MAGI3: variants seen among roughly 807,000 people sequenced by gnomAD.
The protein encoded by MAGI3 is membrane associated guanylate kinase, WW and PDZ domain containing 3.
Under a neutral mutation model 121.8 loss-of-function variants are expected in MAGI3, and 43 were observed. The observed-to-expected ratio is 0.35, with a 90% CI of 0.28 to 0.46. MAGI3 has a LOEUF of 0.46. Among genes scored for constraint, MAGI3 ranks in the 20% least tolerant of loss-of-function variants. The pLI, the probability that MAGI3 is intolerant of heterozygous loss-of-function variation, is 1.00. For synonymous variants in MAGI3, 553 were observed against 639.3 expected, an observed-to-expected ratio of 0.86 and a Z score of 2.04; for missense variants, 1,547 against 1,797.3, an observed-to-expected ratio of 0.86 and a Z score of 2.52.
At chr1:113,396,281 T>C (rs1426498354) in intron 1 of MAGI3, among the ~76,000 whole-genome samples, 1 of 109,958 alleles carries the variant, frequency 9.1e-6, no homozygotes, top group African/African-American at 3.8e-5. Flanking sequence ...TCTGTGAATG[T>C]CAGGGTTGTG....
chr1:113,419,205 A>T (rs1382187951), intron 1 of MAGI3, among the ~76,000 whole-genome samples: 1 of 152,136 alleles, frequency 6.6e-6, no homozygotes, highest in Admixed American at 6.6e-5. Flanking sequence ...TTTATCTTCA[A>T]TATCCACATT....
intron 4 of MAGI3, among the ~76,000 whole-genome samples, chr1:113,588,089 A>G (rs1648488476): frequency 1.3e-5 from 2 of 152,336 alleles, no homozygotes; most frequent in South Asian, 4.1e-4. Context: ...AATGAATAAC[A>G]TACATCGTGT....
chr1:113,643,192 A>G (rs918682506), intron 10 of MAGI3, among the ~76,000 whole-genome samples: 2 of 152,232 alleles, frequency 1.3e-5, no homozygotes, highest in Non-Finnish European at 1.5e-5. Context: ...TGCTTTCTTA[A>G]ATCCATACTT....
chr1:113,455,653 G>A (rs2101499860), intron 1 of MAGI3, among the ~76,000 whole-genome samples: 1 of 152,052 alleles, frequency 6.6e-6, no homozygotes, highest in East Asian at 1.9e-4. Context: ...TTAATCCTTA[G>A]ATTTCTACTC....
intron 2 of MAGI3, among the ~76,000 whole-genome samples, chr1:113,567,843 A>C (rs1660496169): frequency 6.6e-6 from 1 of 152,088 alleles, no homozygotes; most frequent in Admixed American, 6.5e-5. Context: ...TCAACATAGT[A>C]CTGGAAATTC....
At position 113,659,072 on chromosome 1, in the gene MAGI3, T is replaced by C. The variant is rs2100997147; in HGVS notation, c.2630-8T>C. On this transcript the variant is annotated splice_polypyrimidine_tract_variant and splice_region_variant and intron_variant, in intron 15 of 20. Transcript: ENST00000307546. ...TAATTGAAAAACCTGGGGTTTTTTT[T>C]CCCATAGTTATTCCTCATAAAATTG... is the stretch of plus-strand genomic sequence containing the variant. 3 of 1,574,700 alleles carry C rather than the reference T, an allele frequency of 1.9e-6. No individual in the cohort carries two copies. Among genetic ancestry groups the C allele is most frequent in the East Asian group, 2.3e-5 (1 of 44,362 alleles).
intron 9 of MAGI3, among the ~76,000 whole-genome samples, chr1:113,635,901 A>G (rs1185894157): frequency 6.6e-6 from 1 of 152,128 alleles, no homozygotes; most frequent in Non-Finnish European, 1.5e-5. Context: ...CCACAATTTC[A>G]GAGCCTGTTA....
chr1:113,395,010 C>G (rs941431532), intron 1 of MAGI3, among the ~76,000 whole-genome samples: 7 of 147,784 alleles, frequency 4.7e-5, no homozygotes, highest in African/African-American at 1.7e-4. Context: ...CTACTGGATG[C>G]TTTAAAATAG....
intron 3 of MAGI3, among the ~76,000 whole-genome samples, chr1:113,583,991 A>G (rs937710679): frequency 6.6e-6 from 1 of 152,190 alleles, no homozygotes; most frequent in Non-Finnish European, 1.5e-5. Context: ...CAAAACATGC[A>G]CAATTTAAGG....
intron 1 of MAGI3, among the ~76,000 whole-genome samples, chr1:113,428,403 C>T (rs1166649876): frequency 2.0e-5 from 3 of 152,152 alleles, no homozygotes; most frequent in African/African-American, 7.2e-5. Flanking sequence ...CCTTTGCTCA[C>T]CACATTTGCA....
At chr1:113,505,741 G>T (rs1250292373) in intron 1 of MAGI3, among the ~76,000 whole-genome samples, 2 of 152,134 alleles carry the variant, frequency 1.3e-5, no homozygotes, top group East Asian at 3.9e-4. Flanking sequence ...CAGCCCAACT[G>T]TATATCTGGG....
chr1:113,426,029 AT>A (rs1404669709), intron 1 of MAGI3, among the ~76,000 whole-genome samples: 1 of 152,126 alleles, frequency 6.6e-6, no homozygotes, highest in Non-Finnish European at 1.5e-5. Context: ...TCTACTATAA[AT>A]TTTTAATGCT....
At chr1:113,521,795 A>T (rs1023784611) in intron 1 of MAGI3, among the ~76,000 whole-genome samples, 4 of 152,206 alleles carry the variant, frequency 2.6e-5, no homozygotes, top group African/African-American at 9.6e-5. Context: ...ATCAATTATC[A>T]TAATTTCCTG....
chr1:113,531,218 A>G (rs930849571), intron 1 of MAGI3, among the ~76,000 whole-genome samples: 12 of 152,198 alleles, frequency 7.9e-5, no homozygotes, highest in Admixed American at 7.2e-4. Flanking sequence ...GCTAATTTAA[A>G]GCTTACATAC....
chr1:113,684,862 T>G lies in MAGI3; in HGVS notation c.*848T>G, dbSNP rs1012980004. On this transcript the variant is annotated 3_prime_UTR_variant, in exon 21 of 21. Transcript: ENST00000307546. ...AGCATGTGGAAATAGTGTTTATTGCTCTTTGAAGAAAAACCACCAACTATT... is the reference window on the plus strand; with the variant it reads ...AGCATGTGGAAATAGTGTTTATTGCGCTTTGAAGAAAAACCACCAACTATT... 9 of 152,374 alleles carry G rather than the reference T, an allele frequency of 5.9e-5. No homozygotes were observed. Among genetic ancestry groups the G allele is most frequent in the African/African-American group, 2.2e-4 (9 of 41,464 alleles). The allele number at this position is 152,374 out of a possible 1,614,324, so 9.4% of individuals were successfully genotyped here. A position where few individuals can be genotyped will look rare whatever the true frequency, so the allele number is the denominator to read the frequency against.
At chr1:113,546,711 C>T (rs376147672) in intron 1 of MAGI3, among the ~76,000 whole-genome samples, 246 of 151,896 alleles carry the variant, frequency 1.6e-3, no homozygotes, top group African/African-American at 5.8e-3. Context: ...ATCCAGAATC[C>T]CAGTAGAAAT....
intron 1 of MAGI3, among the ~76,000 whole-genome samples, chr1:113,465,218 A>G (rs148273391): frequency 2.0e-5 from 3 of 152,268 alleles, no homozygotes; most frequent in African/African-American, 7.2e-5. Context: ...TCTTCTGCAT[A>G]TGGTTAATCC....
intron 1 of MAGI3, among the ~76,000 whole-genome samples, chr1:113,476,799 T>G (rs1367623841): frequency 6.6e-6 from 1 of 152,194 alleles, no homozygotes; most frequent in Non-Finnish European, 1.5e-5. Context: ...GTCTCATTGA[T>G]CTCTCTAATA....
chr1:113,586,537 A>G (rs1415612334), intron 4 of MAGI3, among the ~76,000 whole-genome samples: 1 of 152,204 alleles, frequency 6.6e-6, no homozygotes, highest in Non-Finnish European at 1.5e-5. Context: ...AATACGTTTA[A>G]TGTTAAATGG....
Sources: gnomAD v4.1 joint callset for allele counts (sites outside exome capture counted in the v4.1 genomes callset) on GRCh38, gnomAD v4.1.1 for gene constraint, MANE v1.5 for transcripts, NCBI Gene and HGNC (gene_info 2026-07-23, HGNC 2026-07-21) for gene names.